PRR16: variants seen among roughly 807,000 people sequenced by gnomAD.
PRR16 encodes protein Largen.
A neutral mutation model predicts 18.2 loss-of-function variants in PRR16; 6 were observed. That is an observed-to-expected ratio of 0.33 (90% CI 0.18 to 0.65). The LOEUF (loss-of-function observed/expected upper bound fraction) is 0.65, where lower values mean the gene tolerates loss of function less well. Ranked by LOEUF, PRR16 falls within the 30% of genes least tolerant of loss-of-function variation. The pLI, the probability that PRR16 is intolerant of heterozygous loss-of-function variation, is 0.74. For synonymous variants in PRR16, 151 were observed against 147.8 expected, an observed-to-expected ratio of 1.02 and a Z score of -0.16; for missense variants, 412 against 376.6, an observed-to-expected ratio of 1.09 and a Z score of -0.78.
the PRR16 span, among the ~76,000 whole-genome samples, chr5:120,791,584 C>CATCTATCTATCTATCTATCTATCT: frequency 1.3e-4 from 16 of 127,392 alleles, no homozygotes; most frequent in East Asian, 2.2e-4. Context: ...GAACTTCTAT[C>CATCTATCTATCTATCTATCTATCT]ATCTATCTAT....
At chr5:120,617,808 G>A (rs1181400191) in intron 1 of PRR16, among the ~76,000 whole-genome samples, 2 of 152,004 alleles carry the variant, frequency 1.3e-5, no homozygotes, top group Admixed American at 6.6e-5. Flanking sequence ...ACATAATCTT[G>A]GTTATGCCAT....
At chr5:120,738,110 G>T in the PRR16 span, among the ~76,000 whole-genome samples, 1 of 149,796 alleles carries the variant, frequency 6.7e-6, no homozygotes, top group Non-Finnish European at 1.5e-5. Flanking sequence ...CATAAGAGAA[G>T]ACATTTCTGA....
chr5:120,545,613 C>T (rs746597821), intron 1 of PRR16, among the ~76,000 whole-genome samples: 23 of 151,944 alleles, frequency 1.5e-4, no homozygotes, highest in South Asian at 2.1e-4. Context: ...GAAAATGTTG[C>T]ATGGTGTATT....
intron 1 of PRR16, among the ~76,000 whole-genome samples, chr5:120,533,293 T>C (rs1580695263): frequency 6.6e-6 from 1 of 152,336 alleles, no homozygotes; most frequent in Middle Eastern, 3.4e-3. Flanking sequence ...CTAGGCATTG[T>C]TGTAGGGACT....
chr5:120,475,461 C>T lies in PRR16; in HGVS notation c.159+10816C>T, dbSNP rs138444034. On this transcript the variant is annotated intron_variant, in intron 1 of 1. Transcript: ENST00000407149. Reference sequence around the variant, plus strand: ...GCTTCCTTATCCTCTTCTTTGAAATCCATATCTTATTTACTAAATTTTTTT... The same window carrying T: ...GCTTCCTTATCCTCTTCTTTGAAATTCATATCTTATTTACTAAATTTTTTT... Among the ~76,000 whole-genome samples the T allele has an allele frequency of 3.7e-4, 57 of 152,080 alleles. No homozygotes were observed. The East Asian group carries it at 9.7e-3, about 26-fold the overall frequency.
At chr5:120,517,981 GA>G (rs1751052162) in intron 1 of PRR16, among the ~76,000 whole-genome samples, 1 of 152,134 alleles carries the variant, frequency 6.6e-6, no homozygotes, top group Admixed American at 6.5e-5. Flanking sequence ...CTTGGCTGGG[GA>G]AAAAGTTTTG....
the PRR16 span, among the ~76,000 whole-genome samples, chr5:120,698,315 A>G: frequency 6.6e-6 from 1 of 152,046 alleles, no homozygotes; most frequent in Non-Finnish European, 1.5e-5. Context: ...TGAATTGAAA[A>G]ACTAAATGGA....
At chr5:120,764,953 TCTC>T in the PRR16 span, among the ~76,000 whole-genome samples, 1 of 151,928 alleles carries the variant, frequency 6.6e-6, no homozygotes, top group Non-Finnish European at 1.5e-5. Flanking sequence ...GTTGATCATT[TCTC>T]CTTTTTGAGG....
chr5:120,615,370 T>G (rs1272359746), intron 1 of PRR16, among the ~76,000 whole-genome samples: 1 of 148,628 alleles, frequency 6.7e-6, no homozygotes, highest in South Asian at 2.1e-4. Context: ...TATGGATTTC[T>G]TTTTCTTTCT....
chr5:120,753,505 C>T, the PRR16 span, among the ~76,000 whole-genome samples: 4 of 151,594 alleles, frequency 2.6e-5, no homozygotes, highest in African/African-American at 9.7e-5. Context: ...GTCTTAGAAA[C>T]TTGATGAGTA....
the PRR16 span, among the ~76,000 whole-genome samples, chr5:120,736,775 T>C: frequency 6.6e-6 from 1 of 152,064 alleles, no homozygotes; most frequent in Non-Finnish European, 1.5e-5. Flanking sequence ...TTCAGCAATG[T>C]TTTATAGTTT....
the PRR16 span, among the ~76,000 whole-genome samples, chr5:120,792,520 A>G: frequency 3.9e-5 from 6 of 152,224 alleles, no homozygotes; most frequent in Admixed American, 3.9e-4. Context: ...ACTGAGAAGT[A>G]CTACTTAACA....
intron 1 of PRR16, among the ~76,000 whole-genome samples, chr5:120,472,617 C>G (rs1749305109): frequency 6.6e-6 from 1 of 151,964 alleles, no homozygotes; most frequent in East Asian, 1.9e-4. Context: ...GAAATTTTAG[C>G]TAATTGTTTG....
intron 1 of PRR16, among the ~76,000 whole-genome samples, chr5:120,662,370 T>C (rs1259944213): frequency 6.6e-6 from 1 of 152,136 alleles, no homozygotes; most frequent in Non-Finnish European, 1.5e-5. Flanking sequence ...GTTGCAATCA[T>C]GTCTATTCTC....
At chr5:120,551,918 C>T (rs1458332856) in intron 1 of PRR16, among the ~76,000 whole-genome samples, 2 of 151,834 alleles carry the variant, frequency 1.3e-5, no homozygotes, top group South Asian at 2.1e-4. Context: ...ATATTTTCAC[C>T]AAGAATTCAG....
At chr5:120,744,050 A>G in the PRR16 span, among the ~76,000 whole-genome samples, 4 of 151,882 alleles carry the variant, frequency 2.6e-5, no homozygotes, top group Non-Finnish European at 4.4e-5. Context: ...TTACTGAGCA[A>G]TGGACTCACT....
At chr5:120,700,502 A>T in the PRR16 span, among the ~76,000 whole-genome samples, 1 of 152,024 alleles carries the variant, frequency 6.6e-6, no homozygotes, top group African/African-American at 2.4e-5. Flanking sequence ...TGGCAATGAG[A>T]TATAGCTGTA....
intron 1 of PRR16, among the ~76,000 whole-genome samples, chr5:120,511,076 A>T (rs977855879): frequency 1.6e-4 from 25 of 152,170 alleles, no homozygotes; most frequent in Admixed American, 1.5e-3. Context: ...GAAACTAATG[A>T]ATCAAAGCAG....
intron 1 of PRR16, among the ~76,000 whole-genome samples, chr5:120,493,818 G>A (rs1750149855): frequency 1.3e-5 from 2 of 152,092 alleles, no homozygotes; most frequent in Admixed American, 6.6e-5. Context: ...TTTTTTCACT[G>A]AACATAATAC....
Sources: gnomAD v4.1 joint callset for allele counts (sites outside exome capture counted in the v4.1 genomes callset) on GRCh38, gnomAD v4.1.1 for gene constraint, MANE v1.5 for transcripts, NCBI Gene and HGNC (gene_info 2026-07-23, HGNC 2026-07-21) for gene names.